Variants in CDH22 observed in about 807,000 individuals in gnomAD.
CDH22 encodes cadherin 22, also known as cadherin-22.
Under a neutral mutation model 58.4 loss-of-function variants are expected in CDH22, and 30 were observed. The ratio of observed to expected loss-of-function variants is 0.51; its 90% CI spans 0.38 to 0.70. The LOEUF (loss-of-function observed/expected upper bound fraction) is 0.70. CDH22 is among the 30% of genes least tolerant of loss of function. The pLI, the probability that CDH22 is intolerant of heterozygous loss-of-function variation, is 0.00. For missense variants in CDH22, 1,014 were observed against 1,233.9 expected (o/e 0.82, Z 2.67); for synonymous variants, 513 against 558.2 (o/e 0.92, Z 1.14).
At chr20:46,189,165 C>G (rs1324605842) in intron 8 of CDH22, among the ~76,000 whole-genome samples, 1 of 152,126 alleles carries the variant, frequency 6.6e-6, no homozygotes, top group African/African-American at 2.4e-5. Context: ...TAATTCAGAC[C>G]CCAGCTTCTC....
chr20:46,290,368 C>T (rs1447327741), intron 1 of CDH22, among the ~76,000 whole-genome samples: 1 of 152,162 alleles, frequency 6.6e-6, no homozygotes, highest in Non-Finnish European at 1.5e-5. Context: ...CTGCTGGCAT[C>T]TAGTGGGTAG....
At chr20:46,283,060 C>T (rs1156316654) in intron 1 of CDH22, among the ~76,000 whole-genome samples, 3 of 152,238 alleles carry the variant, frequency 2.0e-5, no homozygotes, top group Admixed American at 6.5e-5. Flanking sequence ...CCATCCTTTG[C>T]TTCCACATCC....
intron 10 of CDH22, among the ~76,000 whole-genome samples, chr20:46,180,738 T>A (rs2145646932): frequency 6.6e-6 from 1 of 151,990 alleles, no homozygotes; most frequent in African/African-American, 2.4e-5. Context: ...ATCCAACAAA[T>A]CTTTTTTTTT....
At chr20:46,306,827 T>A (rs2086680024) in intron 1 of CDH22, among the ~76,000 whole-genome samples, 1 of 151,872 alleles carries the variant, frequency 6.6e-6, no homozygotes, top group Non-Finnish European at 1.5e-5. Flanking sequence ...TAGGGGCAAC[T>A]GAGGGGGACG....
At chr20:46,232,846 C>T (rs180675333) in intron 3 of CDH22, among the ~76,000 whole-genome samples, 1 of 152,316 alleles carries the variant, frequency 6.6e-6, no homozygotes, top group East Asian at 1.9e-4. Context: ...AGCCTCCCAG[C>T]CAGGGCAGCC....
chr20:46,182,590 C>A (rs1249162610), intron 10 of CDH22, among the ~76,000 whole-genome samples: 2 of 152,180 alleles, frequency 1.3e-5, no homozygotes, highest in Non-Finnish European at 2.9e-5. Context: ...AGGGGAATCC[C>A]CAGGCATCAA....
At chr20:46,189,738 G>A (rs940737486) in intron 8 of CDH22, among the ~76,000 whole-genome samples, 4 of 152,214 alleles carry the variant, frequency 2.6e-5, no homozygotes, top group African/African-American at 9.6e-5. Flanking sequence ...TGGGGCAGCT[G>A]AGTGACCCCT....
Position 46,216,055 on chromosome 20 carries a change from C to G in CDH22, c.838+771G>C, listed in dbSNP as rs1452551782. 6.6e-6 allele frequency among the ~76,000 whole-genome samples: 1 copy of G among 152,140 alleles called. No individual in the cohort carries two copies. Among genetic ancestry groups the G allele is most frequent in the Non-Finnish European group, 1.5e-5 (1 of 68,020 alleles). ...GGGGGTCAGTCCCCTGTGGCGGGGC[C>G]TAATGTGAGAGCAGCAGACCTCAAG... On this transcript the variant is annotated intron_variant, in intron 5 of 11. Transcript: ENST00000537909. This position sits in a 1 kb window ranked among gnomAD's most constrained non-coding sequence, Gnocchi z 5.3.
intron 11 of CDH22, 100 bp from the exon 12 acceptor site, chr20:46,175,177 G>C (rs2085729866): frequency 1.7e-6 from 2 of 1,170,918 alleles, no homozygotes; most frequent in African/African-American, 1.6e-5. Context: ...CCAGCAGAGC[G>C]GGCCCAGCCT....
chr20:46,202,570 G>T (rs1251586875), intron 7 of CDH22, among the ~76,000 whole-genome samples: 1 of 152,044 alleles, frequency 6.6e-6, no homozygotes, highest in Non-Finnish European at 1.5e-5. Flanking sequence ...AGCCAGGATG[G>T]TCTCAATCTC....
At chr20:46,291,210 G>A (rs1374009396) in intron 1 of CDH22, among the ~76,000 whole-genome samples, 2 of 152,210 alleles carry the variant, frequency 1.3e-5, no homozygotes, top group Non-Finnish European at 2.9e-5. Flanking sequence ...CTGGGAGGCA[G>A]AGGTTGCAGT....
At chr20:46,274,769 A>G (rs2086508976) in intron 1 of CDH22, among the ~76,000 whole-genome samples, 1 of 151,244 alleles carries the variant, frequency 6.6e-6, no homozygotes, top group Non-Finnish European at 1.5e-5. Flanking sequence ...AGCTGCTGAT[A>G]CCTGCTATAA....
At chr20:46,252,875 C>G (rs1015661604) in intron 1 of CDH22, among the ~76,000 whole-genome samples, 1 of 152,108 alleles carries the variant, frequency 6.6e-6, no homozygotes, top group Non-Finnish European at 1.5e-5. Context: ...GGACTGAGCT[C>G]GGGTGTTTGG....
Position 46,174,329 on chromosome 20 carries a change from AC to A in CDH22, c.*176del, listed in dbSNP as rs1822231492. On this transcript the variant is annotated 3_prime_UTR_variant, in exon 12 of 12. Transcript: ENST00000537909. The surrounding 1 kb of genome is among the most constrained non-coding windows in gnomAD (Gnocchi z 4.4). ...CCGCACCTCTGGGCTCCAAAGCTGC[AC>A]CCCTAGAGGAGGAGGAATGGAAGAG... 7.6e-6 allele frequency: 4 copies of A among 528,308 alleles called. No individual in the cohort carries two copies. Among genetic ancestry groups the A allele is most frequent in the Non-Finnish European group, 1.3e-5 (4 of 306,226 alleles). The allele number at this position is 528,308 out of a possible 1,614,324, so 32.7% of individuals were successfully genotyped here.
intron 1 of CDH22, among the ~76,000 whole-genome samples, chr20:46,278,846 C>T (rs1366283511): frequency 6.6e-6 from 1 of 152,198 alleles, no homozygotes; most frequent in African/African-American, 2.4e-5. Context: ...CCTTGGCCTC[C>T]CAAAGTATTG....
At chr20:46,295,349 T>C (rs991425388) in intron 1 of CDH22, among the ~76,000 whole-genome samples, 2 of 152,224 alleles carry the variant, frequency 1.3e-5, no homozygotes, top group Non-Finnish European at 2.9e-5. Context: ...TGAAAGCCCA[T>C]TTGCTACCCA....
intron 2 of CDH22, among the ~76,000 whole-genome samples, chr20:46,248,382 T>C (rs2086345869): frequency 6.6e-6 from 1 of 152,244 alleles, no homozygotes; most frequent in South Asian, 2.1e-4. Context: ...CCACCTCCTC[T>C]GACATTTAGG....
chr20:46,206,684 C>T (rs1186128504), intron 7 of CDH22, among the ~76,000 whole-genome samples: 1 of 152,190 alleles, frequency 6.6e-6, no homozygotes, highest in Non-Finnish European at 1.5e-5. Context: ...CCCTCTGTGG[C>T]CCCAATCCCT....
rs542658803 is a variant in CDH22 at position 46,175,185 on chromosome 20, C to A, written c.1916-108G>T. 4 of 997,864 alleles carry A rather than the reference C, an allele frequency of 4.0e-6. No homozygotes were observed. In the African/African-American group the frequency reaches 5.1e-5, roughly 13 times the overall value. 61.8% of individuals were successfully genotyped at this position (997,864 alleles called of 1,614,324 possible). ...CTCCCACCCAGCAGAGCGGGCCCAG[C>A]CTCAACATTCCTACAGATTTCCTGG... On this transcript the variant is annotated intron_variant, in intron 11 of 11. Coordinates refer to ENST00000537909, the MANE Select transcript of CDH22 (RefSeq NM_021248.3).
Sources: allele counts gnomAD v4.1 joint callset (sites outside exome capture counted in the v4.1 genomes callset), GRCh38; gene constraint gnomAD v4.1.1; non-coding constraint Gnocchi (gnomAD v3.1); transcripts MANE v1.5; gene names NCBI Gene and HGNC (gene_info 2026-07-23, HGNC 2026-07-21).